The following ZFAND3 variants were observed in gnomAD, a reference collection of about 807,000 sequenced individuals.
ZFAND3 encodes zinc finger AN1-type containing 3, also known as AN1-type zinc finger protein 3.
Under a neutral mutation model 29.6 loss-of-function variants are expected in ZFAND3, and 10 were observed. That is an observed-to-expected ratio of 0.34 (90% CI 0.21 to 0.57). The LOEUF (loss-of-function observed/expected upper bound fraction) is 0.57. ZFAND3 is among the 20% of genes least tolerant of loss of function. The probability of loss-of-function intolerance (pLI) is 0.86; values close to 1 mark genes in which losing one functional copy is unlikely to be tolerated. For synonymous variants in ZFAND3, 128 were observed against 112.6 expected (o/e 1.14, Z -0.87); for missense variants, 230 against 304.5 (o/e 0.76, Z 1.82).
chr6:38,001,116 G>T (rs1379462279), intron 2 of ZFAND3, among the ~76,000 whole-genome samples: 1 of 152,160 alleles, frequency 6.6e-6, no homozygotes, highest in Non-Finnish European at 1.5e-5. Context: ...TTTTACTAAG[G>T]AGATTTTTAA....
intron 5 of ZFAND3, among the ~76,000 whole-genome samples, chr6:38,123,380 T>G (rs1765570801): frequency 6.6e-6 from 1 of 152,248 alleles, no homozygotes; most frequent in Admixed American, 6.5e-5. Context: ...ATTTTAATTC[T>G]TATTCAAGTG....
chr6:38,055,312 T>C (rs1054441516), intron 2 of ZFAND3, among the ~76,000 whole-genome samples: 2 of 152,166 alleles, frequency 1.3e-5, no homozygotes, highest in Non-Finnish European at 2.9e-5. Context: ...GTTTGGAGAC[T>C]GAGAATGGAA....
intron 4 of ZFAND3, among the ~76,000 whole-genome samples, chr6:38,103,931 A>G (rs754918144): frequency 6.6e-6 from 1 of 152,262 alleles, no homozygotes; most frequent in African/African-American, 2.4e-5. Flanking sequence ...ATGCCCAAGC[A>G]TGTTATAAAA....
chr6:37,958,322 C>A (rs567038510), intron 2 of ZFAND3, among the ~76,000 whole-genome samples: 2 of 151,828 alleles, frequency 1.3e-5, no homozygotes, highest in East Asian at 3.9e-4. Context: ...GGCGTGGTGG[C>A]GGGCGCCTGT....
intron 1 of ZFAND3, among the ~76,000 whole-genome samples, chr6:37,855,479 G>T (rs1764365474): frequency 6.6e-6 from 1 of 152,038 alleles, no homozygotes; most frequent in Admixed American, 6.6e-5. Flanking sequence ...CCATAATTTA[G>T]TTCAGGGCAA....
In ZFAND3 at chr6:38,132,265, A is replaced by T. The variant is rs80341333; in HGVS notation, c.529+15526A>T. Among the ~76,000 whole-genome samples the T allele has an allele frequency of 6.4e-4, 98 of 152,336 alleles. No individual in the cohort carries two copies. In the East Asian group the frequency reaches 0.018, roughly 28 times the overall value. On this transcript the variant is annotated intron_variant, in intron 5 of 5. Transcript: ENST00000287218. Reference sequence around the variant, plus strand: ...GGTGGCTCACACCTGTAATCCCAACACTTTGAGAGCCAAGGTGGGAGGATC... The same window carrying T: ...GGTGGCTCACACCTGTAATCCCAACTCTTTGAGAGCCAAGGTGGGAGGATC...
Position 37,880,898 on chromosome 6 carries a change from T to G in ZFAND3, c.72-49061T>G, listed in dbSNP as rs557982616. On this transcript the variant is annotated intron_variant, in intron 1 of 5. Coordinates refer to ENST00000287218, the MANE Select transcript of ZFAND3 (RefSeq NM_021943.3). ...AGGGGGGAGGGATAGCATTGGGAGATATACCTAATGATAGATGACACGTTG... is the reference window on the plus strand; with the variant it reads ...AGGGGGGAGGGATAGCATTGGGAGAGATACCTAATGATAGATGACACGTTG... Among the ~76,000 whole-genome samples the G allele has an allele frequency of 6.1e-5, 9 of 147,516 alleles. No individual in the cohort carries two copies. The South Asian group carries it at 1.6e-3, about 26-fold the overall frequency.
intron 5 of ZFAND3, among the ~76,000 whole-genome samples, chr6:38,130,707 G>C (rs967121836): frequency 6.6e-6 from 1 of 152,012 alleles, no homozygotes; most frequent in African/African-American, 2.4e-5. Context: ...TGTTGGATTT[G>C]GTTAGCTAGT....
intron 2 of ZFAND3, among the ~76,000 whole-genome samples, chr6:38,042,007 TG>T (rs1032564313): frequency 6.7e-6 from 1 of 148,714 alleles, no homozygotes; most frequent in African/African-American, 2.5e-5. Context: ...GGCTTTTTTT[TG>T]GGGGGGAGGG....
chr6:37,849,136 C>T (rs1490611751), intron 1 of ZFAND3, among the ~76,000 whole-genome samples: 1 of 152,150 alleles, frequency 6.6e-6, no homozygotes, highest in African/African-American at 2.4e-5. Context: ...TATATTCCTG[C>T]TGCTCATCAA....
At chr6:37,893,357 A>G (rs1427487630) in intron 1 of ZFAND3, among the ~76,000 whole-genome samples, 1 of 152,262 alleles carries the variant, frequency 6.6e-6, no homozygotes, top group Non-Finnish European at 1.5e-5. Flanking sequence ...ATAGAGGCAG[A>G]AAAAGCATTT....
chr6:37,914,818 C>G (rs1761208502), intron 1 of ZFAND3, among the ~76,000 whole-genome samples: 1 of 151,786 alleles, frequency 6.6e-6, no homozygotes. Context: ...ACCCATAATT[C>G]TTAAGGGCCC....
chr6:37,845,302 G>A (rs1764158074), intron 1 of ZFAND3, among the ~76,000 whole-genome samples: 1 of 152,018 alleles, frequency 6.6e-6, no homozygotes, highest in South Asian at 2.1e-4. Flanking sequence ...GTTATAATGT[G>A]TTATATACAC....
At chr6:37,838,354 C>CT (rs1389357874) in intron 1 of ZFAND3, among the ~76,000 whole-genome samples, 1 of 152,120 alleles carries the variant, frequency 6.6e-6, no homozygotes, top group African/African-American at 2.4e-5. Flanking sequence ...GAGTGTATAA[C>CT]TGTGTGTGGT....
intron 4 of ZFAND3, among the ~76,000 whole-genome samples, chr6:38,093,748 G>T (rs1441197113): frequency 6.6e-6 from 1 of 152,188 alleles, no homozygotes; most frequent in Non-Finnish European, 1.5e-5. Flanking sequence ...ATTAAAGAGG[G>T]CCTTGATAAC....
At chr6:38,022,752 C>A (rs1460802194) in intron 2 of ZFAND3, among the ~76,000 whole-genome samples, 2 of 152,192 alleles carry the variant, frequency 1.3e-5, no homozygotes, top group African/African-American at 2.4e-5. Flanking sequence ...CAGAATTTAT[C>A]TAAGAGCAGA....
At chr6:38,034,454 C>T (rs1159166623) in intron 2 of ZFAND3, among the ~76,000 whole-genome samples, 1 of 152,086 alleles carries the variant, frequency 6.6e-6, no homozygotes, top group Non-Finnish European at 1.5e-5. Context: ...ATTTGCATTT[C>T]CAGTTCAAGA....
intron 2 of ZFAND3, among the ~76,000 whole-genome samples, chr6:38,002,323 A>G (rs1406589566): frequency 1.3e-5 from 2 of 151,332 alleles, no homozygotes; most frequent in African/African-American, 2.4e-5. Context: ...TTTAACATCA[A>G]ATGTTTCCCA....
chr6:37,840,161 G>A (rs959124352), intron 1 of ZFAND3, among the ~76,000 whole-genome samples: 1 of 151,756 alleles, frequency 6.6e-6, no homozygotes, highest in Admixed American at 6.6e-5. Flanking sequence ...GCAGTGGCGC[G>A]ATCTCGGCTC....
Sources: allele counts gnomAD v4.1 joint callset (sites outside exome capture counted in the v4.1 genomes callset), GRCh38; gene constraint gnomAD v4.1.1; transcripts MANE v1.5; gene names NCBI Gene and HGNC (gene_info 2026-07-23, HGNC 2026-07-21).